HYCC1: variants seen among roughly 807,000 people sequenced by gnomAD.
The protein encoded by HYCC1 is hyccin.
At chr7:22,925,421 T>C in the HYCC1 span, among the ~76,000 whole-genome samples, 3 of 151,824 alleles carry the variant, frequency 2.0e-5, no homozygotes, top group Non-Finnish European at 2.9e-5. Flanking sequence ...GGCAAAGAAG[T>C]TAAAAACTTT....
At chr7:23,001,903 T>C in the HYCC1 span, among the ~76,000 whole-genome samples, 1 of 151,626 alleles carries the variant, frequency 6.6e-6, no homozygotes, top group South Asian at 2.1e-4. Flanking sequence ...ACATTTTTTT[T>C]TTTTAATTCT....
the HYCC1 span, among the ~76,000 whole-genome samples, chr7:22,953,177 C>A: frequency 2.0e-4 from 30 of 151,940 alleles, no homozygotes; most frequent in East Asian, 4.8e-3. Context: ...ACGGCCGCTG[C>A]AGGACCAGGT....
chr7:23,011,336 T>C, the HYCC1 span, among the ~76,000 whole-genome samples: 1 of 152,152 alleles, frequency 6.6e-6, no homozygotes, highest in Non-Finnish European at 1.5e-5. Flanking sequence ...GATACAAACA[T>C]CTATCTATAT....
chr7:22,959,320 T>A, the HYCC1 span, among the ~76,000 whole-genome samples: 1 of 152,154 alleles, frequency 6.6e-6, no homozygotes, highest in African/African-American at 2.4e-5. Flanking sequence ...TAGTTTACCA[T>A]AAATAGCTCC....
the HYCC1 span, among the ~76,000 whole-genome samples, chr7:22,906,100 A>G: frequency 6.6e-6 from 1 of 151,414 alleles, no homozygotes; most frequent in Non-Finnish European, 1.5e-5. Flanking sequence ...AGTAGTTATA[A>G]TAATATAGTC....
At chr7:22,898,575 A>ATT in the HYCC1 span, among the ~76,000 whole-genome samples, 4 of 132,236 alleles carry the variant, frequency 3.0e-5, no homozygotes, top group East Asian at 2.2e-4. Context: ...TGGTCCAAAT[A>ATT]TTTCTTTTCT....
chr7:22,948,499 G>A, the HYCC1 span, among the ~76,000 whole-genome samples: 1 of 151,948 alleles, frequency 6.6e-6, no homozygotes, highest in African/African-American at 2.4e-5. Context: ...ATATGACCTG[G>A]GCATAAGATT....
At chr7:22,973,137 G>A in the HYCC1 span, among the ~76,000 whole-genome samples, 1 of 152,158 alleles carries the variant, frequency 6.6e-6, no homozygotes, top group Non-Finnish European at 1.5e-5. Context: ...GTAACAGCAG[G>A]ATCACTTTCA....
At chr7:22,954,105 A>G in the HYCC1 span, among the ~76,000 whole-genome samples, 1 of 151,416 alleles carries the variant, frequency 6.6e-6, no homozygotes, top group South Asian at 2.1e-4. Flanking sequence ...TTTCTCCTCA[A>G]CTGAAGACTT....
At chr7:23,009,552 C>T in the HYCC1 span, among the ~76,000 whole-genome samples, 1 of 152,018 alleles carries the variant, frequency 6.6e-6, no homozygotes, top group South Asian at 2.1e-4. Context: ...TTTTCAGCCC[C>T]CTATGAAAGC....
At chr7:22,914,583 C>CA in the HYCC1 span, among the ~76,000 whole-genome samples, 4 of 151,926 alleles carry the variant, frequency 2.6e-5, no homozygotes, top group Non-Finnish European at 4.4e-5. Context: ...TGATTTTTGT[C>CA]AAAAAATGGG....
chr7:22,974,154 T>G, the HYCC1 span, among the ~76,000 whole-genome samples: 4 of 152,304 alleles, frequency 2.6e-5, no homozygotes, highest in African/African-American at 9.6e-5. Flanking sequence ...TATACCCATT[T>G]TAGTCGATAA....
chr7:22,902,255 T>A, the HYCC1 span, among the ~76,000 whole-genome samples: 4 of 151,792 alleles, frequency 2.6e-5, no homozygotes, highest in Non-Finnish European at 5.9e-5. Context: ...CACATAAAAA[T>A]ATATGGGATG....
the HYCC1 span, among the ~76,000 whole-genome samples, chr7:22,954,995 A>C: frequency 6.6e-6 from 1 of 151,564 alleles, no homozygotes; most frequent in Non-Finnish European, 1.5e-5. Context: ...TTTTTATATT[A>C]ACTTGGGATT....
the HYCC1 span, among the ~76,000 whole-genome samples, chr7:22,982,868 C>T: frequency 2.6e-5 from 4 of 152,162 alleles, no homozygotes; most frequent in African/African-American, 9.7e-5. Context: ...CCTATCACAG[C>T]CTTACCCTCT....
the HYCC1 span, among the ~76,000 whole-genome samples, chr7:22,951,391 T>C: frequency 6.6e-6 from 1 of 151,900 alleles, no homozygotes; most frequent in Non-Finnish European, 1.5e-5. Flanking sequence ...TGACATGGGG[T>C]GCTTACAAAC....
the HYCC1 span, among the ~76,000 whole-genome samples, chr7:22,986,752 G>A: frequency 6.6e-6 from 1 of 152,176 alleles, no homozygotes. Flanking sequence ...GGAGGCTGAG[G>A]CAGGAGAATC....
At chr7:22,947,181 G>C in the HYCC1 span, 1 of 1,550,080 alleles carries the variant, frequency 6.5e-7, no homozygotes, top group East Asian at 2.4e-5. Flanking sequence ...GGCCACATTT[G>C]TGACACTAAT....
chr7:22,946,295 A>G, the HYCC1 span: 7 of 700,932 alleles, frequency 1.0e-5, no homozygotes, highest in African/African-American at 1.8e-5. Flanking sequence ...CAGATTATAG[A>G]AAATCAAAGG....
Sources: gnomAD v4.1 joint callset for allele counts (sites outside exome capture counted in the v4.1 genomes callset) on GRCh38, gnomAD v4.1.1 for gene constraint, MANE v1.5 for transcripts, NCBI Gene and HGNC (gene_info 2026-07-23, HGNC 2026-07-21) for gene names.